Variants in BORCS8 observed in about 807,000 individuals in gnomAD.
The protein encoded by BORCS8 is BLOC-1-related complex subunit 8.
A neutral mutation model predicts 18.7 loss-of-function variants in BORCS8; 13 were observed. The ratio of observed to expected loss-of-function variants is 0.70; its 90% CI spans 0.45 to 1.11. The LOEUF (loss-of-function observed/expected upper bound fraction) is 1.11, where lower values mean the gene tolerates loss of function less well. Among genes scored for constraint, BORCS8 ranks in the 50% least tolerant of loss-of-function variants. The probability of loss-of-function intolerance (pLI) is 0.00; values close to 1 mark genes in which losing one functional copy is unlikely to be tolerated. For synonymous variants in BORCS8, 68 were observed against 64.8 expected, an observed-to-expected ratio of 1.05 and a Z score of -0.24; for missense variants, 165 against 165.7, an observed-to-expected ratio of 1.00 and a Z score of 0.02.
In BORCS8 at chr19:19,189,416, ACAAAT is replaced by A. The variant is rs2060444531; in HGVS notation, c.38-2416_38-2412del. Among the ~76,000 whole-genome samples the A allele has an allele frequency of 4.6e-5, 7 of 152,254 alleles. No homozygotes were observed. The South Asian group carries it at 1.4e-3, about 32-fold the overall frequency. ...AGCACGTGAGGCAAACTCCAAATGA[ACAAAT>A]CATCTATTCCCACCCTTGCTTTAAA... On this transcript the variant is annotated intron_variant, in intron 1 of 5. Coordinates refer to ENST00000462790, the MANE Select transcript of BORCS8 (RefSeq NM_001145784.2).
At chr19:19,178,286 C>G (rs754369107) in intron 5 of BORCS8, 2 of 152,374 alleles carry the variant, frequency 1.3e-5, no homozygotes, top group African/African-American at 4.8e-5. Flanking sequence ...CTGGAGGCTC[C>G]GGGCAGGTGC....
At chr19:19,180,811 A>C in intron 4 of BORCS8, 50 bp from the exon 5 acceptor site, 1 of 1,505,840 alleles carries the variant, frequency 6.6e-7, no homozygotes, top group Non-Finnish European at 8.9e-7. Context: ...AGAGGCCACA[A>C]GGCTTGCTCA....
chr19:19,188,756 G>T (rs766364234), intron 1 of BORCS8, among the ~76,000 whole-genome samples: 22 of 152,100 alleles, frequency 1.4e-4, no homozygotes, highest in Non-Finnish European at 2.8e-4. Context: ...TTTTACCTGA[G>T]GTGCCCCTCG....
At position 19,190,156 on chromosome 19, in the gene BORCS8, G is replaced by T. The variant is rs138400623; in HGVS notation, c.37+1925C>A. Among the ~76,000 whole-genome samples, 499 of 152,288 alleles carry T rather than the reference G, an allele frequency of 3.3e-3. 2 individuals carry two copies. Among genetic ancestry groups the T allele is most frequent in the African/African-American group, 0.011 (470 of 41,560 alleles). On this transcript the variant is annotated intron_variant, in intron 1 of 5. Transcript: ENST00000462790. ...TCCACCTCACGGAGGACCTTGGCAGGCATTTTGTTCCTTTCTCTTAATACC... is the reference window on the plus strand; with the variant it reads ...TCCACCTCACGGAGGACCTTGGCAGTCATTTTGTTCCTTTCTCTTAATACC...
At chr19:19,191,295 C>A (rs1390013148) in intron 1 of BORCS8, among the ~76,000 whole-genome samples, 1 of 151,766 alleles carries the variant, frequency 6.6e-6, no homozygotes. Flanking sequence ...GGCACTCCAG[C>A]CTGGGTGACA....
intron 1 of BORCS8, 116 bp from the exon 2 acceptor site, chr19:19,187,121 G>A: frequency 1.4e-6 from 1 of 718,494 alleles, no homozygotes; most frequent in South Asian, 1.8e-5. Context: ...TCCCTCCGCA[G>A]CTAGGTCACT....
chr19:19,177,643 A>C (rs1337423613), intron 5 of BORCS8, 183 bp from the exon 6 acceptor site: 1 of 52,006 alleles, frequency 1.9e-5, no homozygotes, highest in Non-Finnish European at 3.9e-5. Flanking sequence ...GAAAGAAAGA[A>C]GGAAGGAAGG....
At position 19,191,953 on chromosome 19, in the gene BORCS8, C is replaced by T. The variant is rs2146444061; in HGVS notation, c.37+128G>A. 6.2e-6 allele frequency: 7 copies of T among 1,131,772 alleles called. 1 individual carries two copies. The highest frequency in any genetic ancestry group is 6.4e-6 in the Non-Finnish European group (5 of 782,102). 70.1% of individuals were successfully genotyped at this position (1,131,772 alleles called of 1,614,324 possible). A position where few individuals can be genotyped will look rare whatever the true frequency, so the allele number is the denominator to read the frequency against. On this transcript the variant is annotated intron_variant, in intron 1 of 5. Coordinates refer to ENST00000462790, the MANE Select transcript of BORCS8 (RefSeq NM_001145784.2). ...TTCTACAGGTTTCAAAACTAGTCAG[C>T]GGCAGAGCTGGGATTGGACGGCAGT... is the stretch of plus-strand genomic sequence containing the variant.
At chr19:19,188,911 T>C (rs2060438003) in intron 1 of BORCS8, among the ~76,000 whole-genome samples, 1 of 151,948 alleles carries the variant, frequency 6.6e-6, no homozygotes, top group Non-Finnish European at 1.5e-5. Flanking sequence ...CTCGGCTCAC[T>C]GCAACCTCCA....
Position 19,178,076 on chromosome 19 carries a change from G to C in BORCS8, c.*43-616C>G, listed in dbSNP as rs3819577. 4.8e-3 allele frequency: 739 copies of C among 152,498 alleles called. 34 individuals carry two copies. The East Asian group carries it at 0.094, about 19-fold the overall frequency. 9.4% of individuals were successfully genotyped at this position (152,498 alleles called of 1,614,324 possible). ...GCCTCTTTTTGTCCATATGTATTTGGGGGTGAGACCTGCCTTTTGGGGCTG... is the reference window on the plus strand; with the variant it reads ...GCCTCTTTTTGTCCATATGTATTTGCGGGTGAGACCTGCCTTTTGGGGCTG... On this transcript the variant is annotated intron_variant, in intron 5 of 5. Coordinates refer to ENST00000462790, the MANE Select transcript of BORCS8 (RefSeq NM_001145784.2).
intron 1 of BORCS8, among the ~76,000 whole-genome samples, chr19:19,191,852 C>A (rs1017852874): frequency 1.3e-5 from 2 of 152,198 alleles, no homozygotes; most frequent in Non-Finnish European, 2.9e-5. Context: ...ATTACAAAGC[C>A]ACCACTCCCA....
intron 5 of BORCS8, chr19:19,180,398 C>T (rs1032287765): frequency 5.9e-5 from 29 of 493,344 alleles, no homozygotes; most frequent in Middle Eastern, 5.5e-4. Context: ...CCTTCTCTGT[C>T]TTGGGGGGTG....
chr19:19,186,058 A>C lies in BORCS8; in HGVS notation c.191T>G (p.Ile64Ser). The C allele has an allele frequency of 6.4e-7, 1 of 1,551,280 alleles. No individual in the cohort carries two copies. Among genetic ancestry groups the C allele is most frequent in the Non-Finnish European group, 8.7e-7 (1 of 1,146,980 alleles). ...QRWEEQSQGAIYTVEYACSAV... is the reference protein window; with the variant it reads ...QRWEEQSQGASYTVEYACSAV... ...CCTGCAGGCGTACTCCACAGTGTAG[A>C]TGGCTCCCTGGCTCTGCTCCTCCCA... The change falls in exon 3 of 6, where the codon ATC becomes AGC. Residue 64 changes from isoleucine to serine, a missense_variant. Transcript: ENST00000462790.
chr19:19,183,383 C>T (rs762063424), intron 3 of BORCS8, among the ~76,000 whole-genome samples: 1 of 149,146 alleles, frequency 6.7e-6, no homozygotes, highest in Non-Finnish European at 1.5e-5. Flanking sequence ...GCACTCCAGC[C>T]TGGGCGACAG....
intron 1 of BORCS8, among the ~76,000 whole-genome samples, chr19:19,189,151 G>A (rs1463523446): frequency 6.6e-6 from 1 of 152,116 alleles, no homozygotes; most frequent in Non-Finnish European, 1.5e-5. Flanking sequence ...TTAATTGCAC[G>A]CAAATCCTCA....
In BORCS8 at chr19:19,186,041, C is replaced by T. The variant is rs2060405308; in HGVS notation, c.208G>A (p.Ala70Thr). 1.9e-6 allele frequency: 3 copies of T among 1,550,786 alleles called. No individual in the cohort carries two copies. The highest frequency in any genetic ancestry group is 1.4e-5 in the African/African-American group (1 of 73,030). Residue 70 changes from alanine (A) to threonine (T), a missense_variant, in exon 3 of 6, where the codon GCC becomes ACC. Coordinates refer to ENST00000462790, the MANE Select transcript of BORCS8 (RefSeq NM_001145784.2). ...SQGAIYTVEY[A>T]CSAVKNLVDS... ...GGAGGCTGTGGCGCTCACCTGCAGG[C>T]GTACTCCACAGTGTAGATGGCTCCC... is the stretch of plus-strand genomic sequence containing the variant.
At chr19:19,183,271 G>T (rs187978413) in intron 3 of BORCS8, among the ~76,000 whole-genome samples, 192 of 152,148 alleles carry the variant, frequency 1.3e-3, no homozygotes, top group Non-Finnish European at 2.3e-3. Flanking sequence ...TTAGCCGGGC[G>T]TGGTGGCGGC....
rs1389944448 is a variant in BORCS8 at position 19,178,969 on chromosome 19, A to AC, written c.*43-1510_*43-1509insG. 5 of 152,120 alleles carry AC rather than the reference A, an allele frequency of 3.3e-5. No homozygotes were observed. The East Asian group carries it at 9.6e-4, about 29-fold the overall frequency. 9.4% of individuals were successfully genotyped at this position (152,120 alleles called of 1,614,324 possible). On this transcript the variant is annotated intron_variant, in intron 5 of 5. Transcript: ENST00000462790. ...AGTGAGACTCCATCTCAAAAAAAAA[A>AC]AAAAGAGAGAAAAAAAAAGCCTCTG...
At chr19:19,189,575 C>A (rs559899270) in intron 1 of BORCS8, among the ~76,000 whole-genome samples, 1 of 152,258 alleles carries the variant, frequency 6.6e-6, no homozygotes, top group Admixed American at 6.5e-5. Flanking sequence ...CCCAGCACTG[C>A]CCAGAACTTT....
Sources: gnomAD v4.1 joint callset for allele counts (sites outside exome capture counted in the v4.1 genomes callset) on GRCh38, gnomAD v4.1.1 for gene constraint, MANE v1.5 for transcripts, NCBI Gene and HGNC (gene_info 2026-07-23, HGNC 2026-07-21) for gene names.